The following BBS9 variants were observed in gnomAD, a reference collection of about 807,000 sequenced individuals.
BBS9 encodes protein PTHB1.
Under a neutral mutation model 117.7 loss-of-function variants are expected in BBS9, and 89 were observed. The ratio of observed to expected loss-of-function variants is 0.76; its 90% confidence interval spans 0.64 to 0.90. The LOEUF (loss-of-function observed/expected upper bound fraction) is 0.90, where lower values mean the gene tolerates loss of function less well. Ranked by LOEUF, BBS9 falls within the 40% of genes least tolerant of loss-of-function variation. The pLI is 0.00. For synonymous variants in BBS9, 379 were observed against 370.9 expected (o/e 1.02, Z -0.25); for missense variants, 982 against 1,042.2 (o/e 0.94, Z 0.80).
chr7:33,421,881 A>C (rs578253635), intron 19 of BBS9, among the ~76,000 whole-genome samples: 51 of 152,296 alleles, frequency 3.3e-4, no homozygotes, highest in African/African-American at 1.2e-3. Context: ...TCTTTTCAAT[A>C]TAACTTTTTA....
Position 33,426,157 on chromosome 7 carries a change from C to T in BBS9, c.2115+38013C>T, listed in dbSNP as rs535821409. 2.6e-5 allele frequency among the ~76,000 whole-genome samples: 4 copies of T among 152,282 alleles called. No homozygotes were observed. In the East Asian group the frequency reaches 7.7e-4, roughly 29 times the overall value. ...CACTAGTCATGACCCGATGTTACTACAGCCACACCAGCTTACTTATAATAG... is the reference window on the plus strand; with the variant it reads ...CACTAGTCATGACCCGATGTTACTATAGCCACACCAGCTTACTTATAATAG... On this transcript the variant is annotated intron_variant, in intron 19 of 22. Transcript: ENST00000242067.
At chr7:33,459,836 A>C (rs895797507) in intron 19 of BBS9, among the ~76,000 whole-genome samples, 1 of 152,114 alleles carries the variant, frequency 6.6e-6, no homozygotes, top group Non-Finnish European at 1.5e-5. Context: ...CAGTTTTTAA[A>C]ACTTGGTCTT....
intron 5 of BBS9, among the ~76,000 whole-genome samples, chr7:33,211,304 C>CT (rs1303613232): frequency 9.9e-5 from 15 of 151,896 alleles, no homozygotes; most frequent in African/African-American, 1.4e-4. Context: ...TAATTTCTTG[C>CT]TTTTTTGTGT....
intron 21 of BBS9, among the ~76,000 whole-genome samples, chr7:33,552,775 T>G (rs972017577): frequency 1.3e-5 from 2 of 152,160 alleles, no homozygotes; most frequent in African/African-American, 4.8e-5. Context: ...GCCCTTCCCA[T>G]CCATTTATTT....
intron 21 of BBS9, among the ~76,000 whole-genome samples, chr7:33,631,846 T>A (rs1370313828): frequency 6.6e-6 from 1 of 152,180 alleles, no homozygotes; most frequent in Non-Finnish European, 1.5e-5. Flanking sequence ...CTGCTTGGTG[T>A]TCCCATGATG....
chr7:33,162,232 T>A (rs1382458567), intron 4 of BBS9, among the ~76,000 whole-genome samples: 2 of 152,206 alleles, frequency 1.3e-5, no homozygotes, highest in Non-Finnish European at 2.9e-5. Flanking sequence ...GTATAAGGTG[T>A]AAGGAAGGGA....
intron 9 of BBS9, among the ~76,000 whole-genome samples, chr7:33,321,913 GT>G (rs752764708): frequency 1.5e-4 from 22 of 150,414 alleles, no homozygotes; most frequent in South Asian, 4.2e-4. Flanking sequence ...TTTTTTGAGG[GT>G]TTTTTTTTAT....
chr7:33,323,116 T>G (rs1812078734), intron 9 of BBS9, among the ~76,000 whole-genome samples: 1 of 151,950 alleles, frequency 6.6e-6, no homozygotes, highest in Non-Finnish European at 1.5e-5. Flanking sequence ...GTTGTTTCAG[T>G]TTTTTTTGAA....
intron 21 of BBS9, among the ~76,000 whole-genome samples, chr7:33,595,860 T>C (rs1862665348): frequency 6.6e-6 from 1 of 152,264 alleles, no homozygotes; most frequent in Admixed American, 6.5e-5. Context: ...AATGAGATCA[T>C]GTCCTTTACA....
rs980317218 is a variant in BBS9, at chr7:33,550,010, T to G, written c.2521+15834T>G. Reference sequence around the variant, plus strand: ...GATATTTATTCCAGCAGATTCTGGCTCTAAAAATAAAATCATGAAGGGATT... The same window carrying G: ...GATATTTATTCCAGCAGATTCTGGCGCTAAAAATAAAATCATGAAGGGATT... On this transcript the variant is annotated intron_variant, in intron 21 of 22. Transcript: ENST00000242067. Among the ~76,000 whole-genome samples, 5 of 151,942 alleles carry G rather than the reference T, an allele frequency of 3.3e-5. No homozygotes were observed. In the South Asian group the frequency reaches 8.3e-4, roughly 25 times the overall value.
chr7:33,419,420 T>TG (rs1393786719), intron 19 of BBS9, among the ~76,000 whole-genome samples: 1 of 152,184 alleles, frequency 6.6e-6, no homozygotes, highest in Non-Finnish European at 1.5e-5. Context: ...TTGATGGAAA[T>TG]GGGGAGCTTG....
rs924213952 is a variant in BBS9 at position 33,425,497 on chromosome 7, C to G, written c.2115+37353C>G. 2.0e-5 allele frequency among the ~76,000 whole-genome samples: 3 copies of G among 152,266 alleles called. No homozygotes were observed. In the East Asian group the frequency reaches 5.8e-4, roughly 29 times the overall value. ...CATTAGCTGTATTTCCTAATGCTCT[C>G]CCTCCCCCACAGCCCCCTCCAGAGG... On this transcript the variant is annotated intron_variant, in intron 19 of 22. Transcript: ENST00000242067.
At chr7:33,322,634 T>C (rs1811976300) in intron 9 of BBS9, among the ~76,000 whole-genome samples, 1 of 152,042 alleles carries the variant, frequency 6.6e-6, no homozygotes. Context: ...CTGTCTTTTT[T>C]TCTTAGTCTG....
intron 1 of BBS9, among the ~76,000 whole-genome samples, chr7:33,135,966 C>G (rs1790398591): frequency 6.6e-6 from 1 of 151,344 alleles, no homozygotes; most frequent in Non-Finnish European, 1.5e-5. Flanking sequence ...CTCTGTTGCC[C>G]AGGCTGGAGT....
intron 19 of BBS9, among the ~76,000 whole-genome samples, chr7:33,401,248 T>A (rs1442284420): frequency 2.0e-5 from 3 of 152,250 alleles, no homozygotes; most frequent in Admixed American, 2.0e-4. Context: ...GTTTTTCCTG[T>A]GGAAGTGATA....
chr7:33,571,382 G>GA (rs1857759690), intron 21 of BBS9, among the ~76,000 whole-genome samples: 1 of 151,914 alleles, frequency 6.6e-6, no homozygotes, highest in African/African-American at 2.4e-5. Context: ...AAGGAGACAA[G>GA]AAAAAAGAAG....
Position 33,505,657 on chromosome 7 carries a change from A to G in BBS9, c.2298+12A>G. The G allele has an allele frequency of 1.2e-6, 2 of 1,612,500 alleles. No individual in the cohort carries two copies. Among genetic ancestry groups the G allele is most frequent in the Non-Finnish European group, 1.7e-6 (2 of 1,179,812 alleles). On this transcript the variant is annotated intron_variant, in intron 20 of 22. Coordinates refer to ENST00000242067, the MANE Select transcript of BBS9 (RefSeq NM_198428.3). ...ACACTCAAGAATTGGTAAGGACCTG[A>G]AAGCCTGTGGTGGGAACAGCCAGCA...
intron 4 of BBS9, among the ~76,000 whole-genome samples, chr7:33,160,485 C>G (rs1019235740): frequency 2.6e-5 from 4 of 152,172 alleles, no homozygotes; most frequent in African/African-American, 7.2e-5. Flanking sequence ...TGAATACACA[C>G]AATAGACCCT....
intron 5 of BBS9, among the ~76,000 whole-genome samples, chr7:33,216,785 T>A (rs1789145465): frequency 1.3e-5 from 2 of 152,176 alleles, no homozygotes; most frequent in Non-Finnish European, 2.9e-5. Context: ...TTTGTAAAAT[T>A]GGGATTACCT....
Sources: gnomAD v4.1 joint callset for allele counts (sites outside exome capture counted in the v4.1 genomes callset) on GRCh38, gnomAD v4.1.1 for gene constraint, MANE v1.5 for transcripts, NCBI Gene and HGNC (gene_info 2026-07-23, HGNC 2026-07-21) for gene names.